Variants in COLEC11 observed in about 807,000 individuals in gnomAD.
COLEC11 encodes the protein collectin-11.
In COLEC11, 20 loss-of-function variants were observed where a neutral mutation model predicts 27.3. The observed-to-expected ratio is 0.73, with a 90% CI of 0.51 to 1.06. The LOEUF is 1.06. COLEC11 is among the 50% of genes least tolerant of loss of function. COLEC11 has a pLI of 0.00. For synonymous variants in COLEC11, 163 were observed against 154.7 expected (o/e 1.05, Z -0.40); for missense variants, 310 against 383.0 (o/e 0.81, Z 1.59).
intron 3 of COLEC11, among the ~76,000 whole-genome samples, chr2:3,626,695 G>A (rs1452781834): frequency 6.6e-6 from 1 of 152,242 alleles, no homozygotes; most frequent in African/African-American, 2.4e-5. Context: ...TAAGTGCTCT[G>A]TTCTGGATAA....
intron 1 of COLEC11, among the ~76,000 whole-genome samples, chr2:3,597,187 G>A (rs941899814): frequency 6.6e-6 from 1 of 152,118 alleles, no homozygotes; most frequent in African/African-American, 2.4e-5. Flanking sequence ...TGGAGTGAAG[G>A]CACAAGAAAT....
Position 3,633,867 on chromosome 2 carries a change from G to A in COLEC11, c.203-3666G>A, listed in dbSNP as rs192369468. Among the ~76,000 whole-genome samples the A allele has an allele frequency of 1.4e-3, 220 of 152,308 alleles. 1 individual carries two copies. Among genetic ancestry groups the A allele is most frequent in the African/African-American group, 5.1e-3 (212 of 41,562 alleles). On this transcript the variant is annotated intron_variant, in intron 3 of 6. Coordinates refer to ENST00000349077, the MANE Select transcript of COLEC11 (RefSeq NM_024027.5). The stretch of plus-strand genomic sequence containing the variant: ...GTGGAGAGCTGGGTACAGGAGGCCC[G>A]AGGAAGACACATGTTTCCTGCGCAG...
Position 3,642,316 on chromosome 2 carries a change from T to C in COLEC11, c.329-1128T>C, listed in dbSNP as rs189174079. 2.6e-5 allele frequency among the ~76,000 whole-genome samples: 4 copies of C among 152,250 alleles called. No individual in the cohort carries two copies. The East Asian group carries it at 7.7e-4, about 29-fold the overall frequency. On this transcript the variant is annotated intron_variant, in intron 5 of 6. Coordinates refer to ENST00000349077, the MANE Select transcript of COLEC11 (RefSeq NM_024027.5). ...TGCAGGGATAGGAGCAGCACGCGTG[T>C]GGTCACAGGCGTATGGGAACGGAAT...
At chr2:3,627,656 CTG>C (rs1284426942) in intron 3 of COLEC11, among the ~76,000 whole-genome samples, 3 of 148,698 alleles carry the variant, frequency 2.0e-5, no homozygotes, top group South Asian at 2.2e-4. Context: ...CATAATGACT[CTG>C]GGCACGATGA....
intron 1 of COLEC11, among the ~76,000 whole-genome samples, chr2:3,600,268 A>G (rs1033462487): frequency 6.6e-6 from 1 of 151,642 alleles, no homozygotes; most frequent in Non-Finnish European, 1.5e-5. Flanking sequence ...CTCAAAAGCA[A>G]GCAAGGCTGG....
intron 3 of COLEC11, 91 bp downstream of exon 3, chr2:3,613,473 C>A: frequency 7.4e-7 from 1 of 1,346,420 alleles, no homozygotes. Flanking sequence ...GTGGTGGTTC[C>A]AGAGAGGACA....
Position 3,609,347 on chromosome 2 carries a change from CTTTGATTT to C in COLEC11, c.131-3960_131-3953del, listed in dbSNP as rs1558492389. Among the ~76,000 whole-genome samples, 608 of 71,024 alleles carry C rather than the reference CTTTGATTT, an allele frequency of 8.6e-3. 27 individuals carry two copies. Among genetic ancestry groups the C allele is most frequent in the African/African-American group, 0.025 (535 of 21,288 alleles). 46.6% of individuals were successfully genotyped at this position (71,024 alleles called of 152,430 possible). A position where few individuals can be genotyped will look rare whatever the true frequency, so the allele number is the denominator to read the frequency against. ...CCAGTTGTTACTATGAACTATTTTT[CTTTGATTT>C]TTTTTTTTTTTTTTTTTTTTTTTTT... On this transcript the variant is annotated intron_variant, in intron 2 of 6. Coordinates refer to ENST00000349077, the MANE Select transcript of COLEC11 (RefSeq NM_024027.5).
Position 3,604,301 on chromosome 2 carries a change from C to T in COLEC11, c.-26-14C>T, listed in dbSNP as rs773092586. 2.0e-5 allele frequency: 33 copies of T among 1,614,004 alleles called. No homozygotes were observed. In the African/African-American group the frequency reaches 4.1e-4, roughly 20 times the overall value. ...TTGCAGTTCCCATCACTGTTTATTCCTTCCTCTGTGTAGGAGTTGGTGTCC... is the reference window on the plus strand; with the variant it reads ...TTGCAGTTCCCATCACTGTTTATTCTTTCCTCTGTGTAGGAGTTGGTGTCC... On this transcript the variant is annotated splice_polypyrimidine_tract_variant and intron_variant, in intron 1 of 6. Coordinates refer to ENST00000349077, the MANE Select transcript of COLEC11 (RefSeq NM_024027.5).
At chr2:3,636,391 C>T (rs1665419815) in intron 3 of COLEC11, among the ~76,000 whole-genome samples, 1 of 152,070 alleles carries the variant, frequency 6.6e-6, no homozygotes, top group Admixed American at 6.5e-5. Flanking sequence ...GGAGGTGGAG[C>T]TTGCAGTGAG....
intron 3 of COLEC11, chr2:3,626,154 C>A: frequency 7.5e-7 from 1 of 1,332,332 alleles, no homozygotes. Flanking sequence ...AGAGAATAGG[C>A]AACCACTCTT....
At chr2:3,598,640 C>T (rs865931057) in intron 1 of COLEC11, among the ~76,000 whole-genome samples, 6 of 151,498 alleles carry the variant, frequency 4.0e-5, no homozygotes, top group African/African-American at 1.5e-4. Context: ...CTAATATCCG[C>T]GTGAGCACAG....
intron 4 of COLEC11, among the ~76,000 whole-genome samples, chr2:3,638,126 C>A (rs73910312): frequency 1.3e-5 from 2 of 152,298 alleles, no homozygotes; most frequent in South Asian, 4.1e-4. Context: ...CTAATTGCAC[C>A]GTCTCCGCTG....
intron 1 of COLEC11, among the ~76,000 whole-genome samples, chr2:3,599,765 C>G (rs73910596): frequency 0.034 from 5,157 of 152,306 alleles, 236 homozygotes; most frequent in African/African-American, 0.1. Context: ...CACTGGCCTA[C>G]TGGCCCCACA....
intron 3 of COLEC11, chr2:3,626,010 C>T: frequency 6.2e-7 from 1 of 1,612,464 alleles, no homozygotes; most frequent in Non-Finnish European, 8.5e-7. Context: ...TTTACTTTTT[C>T]CAGCAGTCAC....
chr2:3,634,539 G>T lies in COLEC11; in HGVS notation c.203-2994G>T, dbSNP rs887767180. ...TTGCTTCCCTTGCAGCGAGTTTTGG[G>T]CATGTATAATGGGTTGGCTAGTTGA... On this transcript the variant is annotated intron_variant, in intron 3 of 6. Transcript: ENST00000349077. Among the ~76,000 whole-genome samples, 4 of 152,186 alleles carry T rather than the reference G, an allele frequency of 2.6e-5. No individual in the cohort carries two copies. The South Asian group carries it at 8.3e-4, about 32-fold the overall frequency.
At chr2:3,605,246 G>A (rs1054684852) in intron 2 of COLEC11, among the ~76,000 whole-genome samples, 1 of 151,948 alleles carries the variant, frequency 6.6e-6, no homozygotes, top group African/African-American at 2.4e-5. Flanking sequence ...GGCCGGGGCT[G>A]CACCGGCCGC....
chr2:3,596,558 C>T (rs1485186213), intron 1 of COLEC11, among the ~76,000 whole-genome samples: 3 of 152,026 alleles, frequency 2.0e-5, no homozygotes, highest in East Asian at 1.9e-4. Context: ...AGGCTGCTCT[C>T]GAACTCCTAA....
intron 2 of COLEC11, chr2:3,606,254 T>G (rs3739147): frequency 6.5e-7 from 1 of 1,548,830 alleles, no homozygotes; most frequent in African/African-American, 1.4e-5. Flanking sequence ...GTCAGTAGCC[T>G]GCACTGGTGG....
intron 1 of COLEC11, among the ~76,000 whole-genome samples, chr2:3,598,844 T>C (rs933518067): frequency 2.0e-5 from 3 of 152,166 alleles, no homozygotes; most frequent in African/African-American, 7.2e-5. Flanking sequence ...CTTTCCATAT[T>C]GCATTGTCTT....
Sources: allele counts gnomAD v4.1 joint callset (sites outside exome capture counted in the v4.1 genomes callset), GRCh38; gene constraint gnomAD v4.1.1; transcripts MANE v1.5; gene names NCBI Gene and HGNC (gene_info 2026-07-23, HGNC 2026-07-21).